Variants in USP24 observed in about 807,000 individuals in gnomAD.
USP24 encodes ubiquitin carboxyl-terminal hydrolase 24.
Under a neutral mutation model 361.6 loss-of-function variants are expected in USP24, and 97 were observed. That is an observed-to-expected ratio of 0.27 (90% CI 0.23 to 0.32). The LOEUF is 0.32. Among genes scored for constraint, USP24 ranks in the 10% least tolerant of loss-of-function variants. The pLI, the probability that USP24 is intolerant of heterozygous loss-of-function variation, is 1.00. For synonymous variants in USP24, 1,098 were observed against 1,124.6 expected (o/e 0.98, Z 0.47); for missense variants, 2,353 against 3,165.6 (o/e 0.74, Z 6.16).
At position 55,083,331 on chromosome 1, in the gene USP24, G is replaced by A. The variant is rs763678402; in HGVS notation, c.6916C>T (p.His2306Tyr). 5.0e-6 allele frequency: 8 copies of A among 1,613,664 alleles called. No homozygotes were observed. Among genetic ancestry groups the A allele is most frequent in the Non-Finnish European group, 4.2e-6 (5 of 1,179,702 alleles). The change falls in exon 58 of 68, where the codon CAT becomes TAT. Residue 2306 changes from histidine to tyrosine, a missense_variant. By Grantham distance (83) the His-to-Tyr change is moderately conservative. This residue lies in a region of USP24 where 598 missense variants were observed against 761.9 expected (regional missense o/e 0.78). Coordinates refer to ENST00000294383, the MANE Select transcript of USP24 (RefSeq NM_015306.3). ...GIRAGDLLLR[H>Y]SALRHMISFL... is the part of the protein sequence containing the mutation. ...CTGATCATGTGCCGCAGAGCTGAAT[G>A]CCTCAGAAGAAGATCTCCAGCCCTA...
intron 34 of USP24, 66 bp downstream of exon 34, chr1:55,125,253 AC>A (rs1312111519): frequency 6.8e-7 from 1 of 1,464,306 alleles, no homozygotes; most frequent in African/African-American, 1.4e-5. Flanking sequence ...TCCCCATAGC[AC>A]CTCTTCCTAA....
chr1:55,159,058 A>C lies in USP24; in HGVS notation c.1069-22T>G, dbSNP rs771703029. On this transcript the variant is annotated intron_variant, in intron 9 of 67. Coordinates refer to ENST00000294383, the MANE Select transcript of USP24 (RefSeq NM_015306.3). The stretch of plus-strand genomic sequence containing the variant: ...ATCTCTTTTATTGAATAAAAACAAA[A>C]AAACAAAAAAGGAACTGTAAAAACA... 4 of 1,441,252 alleles carry C rather than the reference A, an allele frequency of 2.8e-6. No individual in the cohort carries two copies. In the East Asian group the frequency reaches 1.0e-4, roughly 37 times the overall value. The allele number at this position is 1,441,252 out of a possible 1,614,324, so 89.3% of individuals were successfully genotyped here.
At chr1:55,141,821 G>T in intron 23 of USP24, 90 bp from the exon 24 acceptor site, 1 of 1,108,632 alleles carries the variant, frequency 9.0e-7, no homozygotes, top group Non-Finnish European at 1.3e-6. Context: ...TGTTGCAGAG[G>T]GCTGTCCTGG....
At chr1:55,072,180 A>G in intron 66 of USP24, 137 bp downstream of exon 66, 1 of 749,940 alleles carries the variant, frequency 1.3e-6, no homozygotes, top group Non-Finnish European at 2.2e-6. Context: ...TTCTTTTCAT[A>G]GAAATCCAAT....
At chr1:55,122,188 AG>A (rs1266339564) in intron 36 of USP24, among the ~76,000 whole-genome samples, 1 of 152,214 alleles carries the variant, frequency 6.6e-6, no homozygotes, top group Non-Finnish European at 1.5e-5. Flanking sequence ...GAAAAAAATA[AG>A]GTAAGGAGTC....
In USP24 at chr1:55,172,358, A is replaced by G; in HGVS notation, c.702+19T>C. 6.4e-7 allele frequency: 1 copy of G among 1,570,628 alleles called. No homozygotes were observed. On this transcript the variant is annotated intron_variant, in intron 4 of 67. Transcript: ENST00000294383. ...AACAAAATCAAAACACAAAGTACTT[A>G]ATTTTAGAGATACTATACCATTGTA...
chr1:55,103,700 T>G (rs1645698291), intron 42 of USP24, among the ~76,000 whole-genome samples, 176 bp downstream of exon 42: 1 of 152,222 alleles, frequency 6.6e-6, no homozygotes, highest in African/African-American at 2.4e-5. Context: ...TCATAATATA[T>G]TCAGTATATT....
chr1:55,125,888 C>A, intron 32 of USP24, 130 bp from the exon 33 acceptor site: 2 of 714,162 alleles, frequency 2.8e-6, no homozygotes, highest in Non-Finnish European at 4.5e-6. Context: ...TAAAAAGAGC[C>A]TACATATATC....
chr1:55,107,102 G>A (rs902381365), intron 40 of USP24, 137 bp downstream of exon 40: 90 of 974,132 alleles, frequency 9.2e-5, no homozygotes, highest in Non-Finnish European at 1.2e-4. Context: ...CTAAAATAAC[G>A]GACAATTTCC....
Position 55,078,572 on chromosome 1 carries a change from T to C in USP24, c.7280A>G (p.Glu2427Gly), listed in dbSNP as rs1485146583. The change falls in exon 61 of 68, where the codon GAG (glutamate) becomes GGG (glycine). Residue 2427 changes from glutamate (E) to glycine (G), a missense_variant. Physicochemically the swap from Glu to Gly is moderately conservative, Grantham distance 98 (BLOSUM62 -2). Coordinates refer to ENST00000294383, the MANE Select transcript of USP24 (RefSeq NM_015306.3). ...ATGCAGCATTGTGAAGGAAAAATGC[T>C]CATTACAGAAACAGCAGTACACTAC... ...EMVVYCCFCNEHFSFTMLHFI... is the reference protein window; with the variant it reads ...EMVVYCCFCNGHFSFTMLHFI... 6.2e-7 allele frequency: 1 copy of C among 1,612,128 alleles called. No homozygotes were observed. Among genetic ancestry groups the C allele is most frequent in the Non-Finnish European group, 8.5e-7 (1 of 1,179,318 alleles).
At chr1:55,123,671 T>C in intron 35 of USP24, 69 bp from the exon 36 acceptor site, 2 of 1,420,676 alleles carry the variant, frequency 1.4e-6, no homozygotes, top group Non-Finnish European at 1.9e-6. Flanking sequence ...ATCTTTTTAC[T>C]ATATGTTCCA....
At chr1:55,209,456 GAGTCGGCTTTTAA>G in intron 1 of USP24, among the ~76,000 whole-genome samples, 1 of 152,242 alleles carries the variant, frequency 6.6e-6, no homozygotes. Flanking sequence ...TGATTTGGTT[GAGTCGGCTTTTAA>G]AGCTTTCCTG....
At chr1:55,127,576 T>C (rs1046879270) in intron 32 of USP24, among the ~76,000 whole-genome samples, 1 of 152,218 alleles carries the variant, frequency 6.6e-6, no homozygotes, top group Non-Finnish European at 1.5e-5. Context: ...CCTTTGGGTA[T>C]ATACCCAGTA....
intron 42 of USP24, among the ~76,000 whole-genome samples, chr1:55,103,437 A>C (rs1372811009): frequency 6.6e-6 from 1 of 152,040 alleles, no homozygotes; most frequent in African/African-American, 2.4e-5. Context: ...CTGGGATCCT[A>C]TTTTCATTTT....
At chr1:55,208,893 A>G (rs1019508761) in intron 1 of USP24, among the ~76,000 whole-genome samples, 1 of 152,046 alleles carries the variant, frequency 6.6e-6, no homozygotes, top group Non-Finnish European at 1.5e-5. Flanking sequence ...CCAAGATCAC[A>G]CCACTGCACT....
At position 55,178,105 on chromosome 1, in the gene USP24, C is replaced by T; in HGVS notation, c.352G>A (p.Gly118Arg). The T allele has an allele frequency of 6.4e-7, 1 of 1,551,442 alleles. No homozygotes were observed. The change falls in exon 2 of 68, where the codon GGG becomes AGG. Residue 118 changes from glycine (G) to arginine (R), a missense_variant. By Grantham distance (125) the Gly-to-Arg change is moderately radical. Around this residue, in one of 8 missense-constraint regions of USP24, gnomAD observed 253 missense variants for 255.3 expected, o/e 0.99. Coordinates refer to ENST00000294383, the MANE Select transcript of USP24 (RefSeq NM_015306.3). Reference sequence around the variant, plus strand: ...GTTGTAGGGAATTCAATTCCTTCCCCTGAGCAGTTTCCATTCTCATCATTC... The same window carrying T: ...GTTGTAGGGAATTCAATTCCTTCCCTTGAGCAGTTTCCATTCTCATCATTC... The part of the protein sequence containing the change: ...EKNDENGNCS[G>R]EGIEFPTTNL...
chr1:55,204,087 C>A (rs896948242), intron 1 of USP24, among the ~76,000 whole-genome samples: 1 of 152,172 alleles, frequency 6.6e-6, no homozygotes, highest in Non-Finnish European at 1.5e-5. Context: ...CAATATAAAA[C>A]TGACCACAAA....
At chr1:55,090,023 CCTT>C (rs1557544143) in intron 54 of USP24, among the ~76,000 whole-genome samples, 1 of 152,196 alleles carries the variant, frequency 6.6e-6, no homozygotes, top group Non-Finnish European at 1.5e-5. Flanking sequence ...ACTTTACCTT[CCTT>C]CTGCATCTTC....
At chr1:55,131,077 T>C (rs757735114) in intron 31 of USP24, among the ~76,000 whole-genome samples, 1 of 152,206 alleles carries the variant, frequency 6.6e-6, no homozygotes, top group Admixed American at 6.5e-5. Context: ...CTATTAAATA[T>C]AGGTGTTTAA....
Sources: allele counts gnomAD v4.1 joint callset (sites outside exome capture counted in the v4.1 genomes callset), GRCh38; gene constraint gnomAD v4.1.1; regional missense constraint gnomAD v4.1.1; transcripts MANE v1.5; gene names NCBI Gene and HGNC (gene_info 2026-07-23, HGNC 2026-07-21).